The following LRRC4C variants were observed in gnomAD, a reference collection of about 807,000 sequenced individuals.
The protein encoded by LRRC4C is leucine-rich repeat-containing protein 4C.
LRRC4C carries 5 observed loss-of-function variants against 33.6 expected under a neutral mutation model. The ratio of observed to expected loss-of-function variants is 0.15; its 90% CI spans 0.08 to 0.31. LRRC4C has a LOEUF of 0.31. Ranked by LOEUF, LRRC4C falls within the 10% of genes least tolerant of loss-of-function variation. The pLI, the probability that LRRC4C is intolerant of heterozygous loss-of-function variation, is 1.00. For synonymous variants in LRRC4C, 329 were observed against 302.0 expected, an observed-to-expected ratio of 1.09 and a Z score of -0.93; for missense variants, 560 against 796.7, an observed-to-expected ratio of 0.70 and a Z score of 3.58.
rs74411144 is a variant in LRRC4C, at chr11:40,909,859, A to G, written c.-407+23776T>C. ...GGTTAATGCTTTGCCTAAATTCACA[A>G]AGGCATTGAAAGGCAACGCTTGAAT... On this transcript the variant is annotated intron_variant, in intron 2 of 6. Coordinates refer to ENST00000528697, the MANE Select transcript of LRRC4C (RefSeq NM_001258419.2). Among the ~76,000 whole-genome samples, 12 of 152,334 alleles carry G rather than the reference A, an allele frequency of 7.9e-5. No homozygotes were observed. The East Asian group carries it at 2.1e-3, about 27-fold the overall frequency.
chr11:40,771,693 C>G (rs2137175099), intron 2 of LRRC4C, among the ~76,000 whole-genome samples: 1 of 152,242 alleles, frequency 6.6e-6, no homozygotes, highest in East Asian at 1.9e-4. Context: ...TTCCATAGGT[C>G]TCTAGGGCAG....
chr11:41,082,427 CTTTT>C (rs537908452), intron 1 of LRRC4C, among the ~76,000 whole-genome samples: 28,340 of 114,698 alleles, frequency 0.25, 2,861 homozygotes, highest in Admixed American at 0.35. Flanking sequence ...AAATCTCACG[CTTTT>C]TTTTTTTTTT....
chr11:40,956,985 G>C (rs1958985132), intron 1 of LRRC4C, among the ~76,000 whole-genome samples: 1 of 151,746 alleles, frequency 6.6e-6, no homozygotes. Flanking sequence ...AAAGTTTAAT[G>C]AAAGCAATGT....
At chr11:40,423,793 A>C (rs1031353596) in intron 3 of LRRC4C, among the ~76,000 whole-genome samples, 1 of 152,214 alleles carries the variant, frequency 6.6e-6, no homozygotes, top group African/African-American at 2.4e-5. Context: ...ATAGGCTATG[A>C]ATACAAGAGT....
At chr11:40,903,916 T>C (rs578052669) in intron 2 of LRRC4C, among the ~76,000 whole-genome samples, 69 of 152,106 alleles carry the variant, frequency 4.5e-4, no homozygotes, top group African/African-American at 1.5e-3. Context: ...TATATATATA[T>C]ATACCTAAAA....
chr11:41,430,074 G>T (rs1222637889), intron 1 of LRRC4C, among the ~76,000 whole-genome samples: 1 of 152,124 alleles, frequency 6.6e-6, no homozygotes, highest in Non-Finnish European at 1.5e-5. Flanking sequence ...GAGCTAAGCT[G>T]CCTGGCTTCA....
chr11:40,237,102 T>C (rs966810204), intron 5 of LRRC4C, among the ~76,000 whole-genome samples: 1 of 152,200 alleles, frequency 6.6e-6, no homozygotes, highest in Non-Finnish European at 1.5e-5. Context: ...CAGGGTGTAC[T>C]CATCACAAGT....
At chr11:41,152,752 T>G (rs763622773) in intron 1 of LRRC4C, among the ~76,000 whole-genome samples, 1 of 152,162 alleles carries the variant, frequency 6.6e-6, no homozygotes, top group African/African-American at 2.4e-5. Context: ...TAGCTAATAC[T>G]GTACAGAATT....
At chr11:41,302,308 T>C (rs1591201702) in intron 1 of LRRC4C, among the ~76,000 whole-genome samples, 1 of 152,294 alleles carries the variant, frequency 6.6e-6, no homozygotes, top group East Asian at 1.9e-4. Context: ...AAGGGATACA[T>C]GCATTACTCA....
chr11:40,772,096 G>T lies in LRRC4C; in HGVS notation c.-406-123818C>A, dbSNP rs868248024. ...CGTTCTCACACTGCTATAAAGAACT[G>T]CCCAAGACCGGGTAATTTATAGAAG... On this transcript the variant is annotated intron_variant, in intron 2 of 6. Coordinates refer to ENST00000528697, the MANE Select transcript of LRRC4C (RefSeq NM_001258419.2). Among the ~76,000 whole-genome samples, 11 of 152,294 alleles carry T rather than the reference G, an allele frequency of 7.2e-5. 1 individual carries two copies. The highest frequency in any genetic ancestry group is 5.2e-4 in the Admixed American group (8 of 15,290).
chr11:41,045,232 T>C (rs544463506), intron 1 of LRRC4C, among the ~76,000 whole-genome samples: 2 of 152,156 alleles, frequency 1.3e-5, no homozygotes, highest in South Asian at 4.1e-4. Flanking sequence ...TTTTTTCATG[T>C]TGTTGGTGAG....
At chr11:40,842,719 T>A (rs1057228188) in intron 2 of LRRC4C, among the ~76,000 whole-genome samples, 1 of 152,180 alleles carries the variant, frequency 6.6e-6, no homozygotes, top group African/African-American at 2.4e-5. Flanking sequence ...AAAATTTTTA[T>A]TGTGCTACTT....
intron 2 of LRRC4C, among the ~76,000 whole-genome samples, chr11:40,830,041 T>A (rs948424731): frequency 3.9e-5 from 6 of 151,968 alleles, no homozygotes; most frequent in African/African-American, 7.2e-5. Flanking sequence ...TGAATAGGTG[T>A]TTCTCAGCAA....
At chr11:41,338,208 A>T (rs1296813931) in intron 1 of LRRC4C, among the ~76,000 whole-genome samples, 1 of 152,222 alleles carries the variant, frequency 6.6e-6, no homozygotes, top group African/African-American at 2.4e-5. Flanking sequence ...TACCCAGAGG[A>T]ATACAAATCA....
At chr11:40,201,279 T>A (rs2135728985) in intron 5 of LRRC4C, among the ~76,000 whole-genome samples, 1 of 152,338 alleles carries the variant, frequency 6.6e-6, no homozygotes, top group South Asian at 2.1e-4. Flanking sequence ...AGATATTTCA[T>A]CAATCTATGG....
chr11:41,034,607 G>GTGTATATATA (rs1491566841), intron 1 of LRRC4C, among the ~76,000 whole-genome samples: 1 of 97,040 alleles, frequency 1.0e-5, no homozygotes, highest in Non-Finnish European at 2.2e-5. Flanking sequence ...ATATGGTGAC[G>GTGTATATATA]TATATATATA....
At chr11:41,328,839 G>A (rs4531449) in intron 1 of LRRC4C, among the ~76,000 whole-genome samples, 3,151 of 152,228 alleles carry the variant, frequency 0.021, 102 homozygotes, top group African/African-American at 0.072. Context: ...ATTTTCTCAT[G>A]TAATCTTCTG....
At chr11:41,084,656 C>A (rs950871168) in intron 1 of LRRC4C, among the ~76,000 whole-genome samples, 1 of 152,100 alleles carries the variant, frequency 6.6e-6, no homozygotes, top group Non-Finnish European at 1.5e-5. Flanking sequence ...CGAGACCAGC[C>A]TGGCCAACAT....
chr11:40,755,457 C>T (rs4285860), intron 2 of LRRC4C, among the ~76,000 whole-genome samples: 117,275 of 151,878 alleles, frequency 0.77, 45,422 homozygotes, highest in Middle Eastern at 0.85. Flanking sequence ...TAAAGGTGAG[C>T]GGTGTATATC....
Sources: gnomAD v4.1 joint callset for allele counts (sites outside exome capture counted in the v4.1 genomes callset) on GRCh38, gnomAD v4.1.1 for gene constraint, MANE v1.5 for transcripts, NCBI Gene and HGNC (gene_info 2026-07-23, HGNC 2026-07-21) for gene names.